The following DOCK8 variants were observed in gnomAD, a reference collection of about 807,000 sequenced individuals.
The protein encoded by DOCK8 is dedicator of cytokinesis protein 8.
In DOCK8, 141 loss-of-function variants were observed where a neutral mutation model predicts 245.6. That is an observed-to-expected ratio of 0.57 (90% CI 0.50 to 0.66). DOCK8 has a LOEUF of 0.66. Among genes scored for constraint, DOCK8 ranks in the 30% least tolerant of loss-of-function variants. DOCK8 has a pLI of 0.00. For missense variants in DOCK8, 2,965 were observed against 2,603.4 expected (o/e 1.14, Z -3.02); for synonymous variants, 1,168 against 970.2 (o/e 1.20, Z -3.79).
intron 1 of DOCK8, among the ~76,000 whole-genome samples, chr9:220,425 C>A (rs140391022): frequency 7.9e-5 from 12 of 152,128 alleles, no homozygotes; most frequent in Non-Finnish European, 1.6e-4. Context: ...CATGTAGTTG[C>A]CCAGGGAAAG....
intron 28 of DOCK8, among the ~76,000 whole-genome samples, chr9:408,246 A>T (rs2055532301): frequency 6.6e-6 from 1 of 152,238 alleles, no homozygotes; most frequent in South Asian, 2.1e-4. Flanking sequence ...ATACAGGAGC[A>T]CATCGAGTTC....
At chr9:343,871 T>G (rs550667353) in intron 14 of DOCK8, among the ~76,000 whole-genome samples, 1 of 152,350 alleles carries the variant, frequency 6.6e-6, no homozygotes, top group South Asian at 2.1e-4. Flanking sequence ...CAACTTCCCC[T>G]CAGCATTTAA....
intron 1 of DOCK8, among the ~76,000 whole-genome samples, chr9:268,784 T>C (rs1051310629): frequency 2.6e-5 from 4 of 152,200 alleles, no homozygotes; most frequent in Admixed American, 6.5e-5. Context: ...ATGATCCTCT[T>C]TCAAGTAAGC....
At chr9:357,406 T>G (rs1426270600) in intron 14 of DOCK8, among the ~76,000 whole-genome samples, 1 of 152,222 alleles carries the variant, frequency 6.6e-6, no homozygotes, top group Non-Finnish European at 1.5e-5. Context: ...AAGAAATCTT[T>G]AAAAGTGGTA....
intron 1 of DOCK8, among the ~76,000 whole-genome samples, chr9:217,411 G>C (rs1248221121): frequency 6.6e-6 from 1 of 152,184 alleles, no homozygotes; most frequent in Non-Finnish European, 1.5e-5. Context: ...TTCTCCGCCT[G>C]TGCCTTCCAT....
At chr9:412,117 T>C (rs1331770300) in intron 28 of DOCK8, among the ~76,000 whole-genome samples, 1 of 151,942 alleles carries the variant, frequency 6.6e-6, no homozygotes, top group African/African-American at 2.4e-5. Context: ...ACAAAAGACA[T>C]CTAGGCCAGG....
rs779679608 is a variant in DOCK8 at position 390,454 on chromosome 9, T to C, written c.2875-17T>C. ...TAGCCTTTGTTTCACAGCCTAATTT[T>C]TGTGGTTCTTATTTAGCATTTCCAT... On this transcript the variant is annotated splice_polypyrimidine_tract_variant and intron_variant, in intron 23 of 47. Coordinates refer to ENST00000432829, the MANE Select transcript of DOCK8 (RefSeq NM_203447.4). 18 of 1,610,958 alleles carry C rather than the reference T, an allele frequency of 1.1e-5. No homozygotes were observed. Among genetic ancestry groups the C allele is most frequent in the Admixed American group, 1.7e-5 (1 of 60,004 alleles).
chr9:421,176 T>C (rs576727726), intron 32 of DOCK8, 98 bp downstream of exon 32: 1 of 1,522,096 alleles, frequency 6.6e-7, no homozygotes, highest in African/African-American at 1.4e-5. Context: ...CATTACTTTC[T>C]TGAGATATTT....
At chr9:220,755 C>A in intron 1 of DOCK8, 1 of 386,040 alleles carries the variant, frequency 2.6e-6, no homozygotes, top group South Asian at 1.9e-5. Flanking sequence ...CAGTCATGCT[C>A]TGTCGCCCAG....
At chr9:227,014 A>G (rs753955353) in intron 1 of DOCK8, among the ~76,000 whole-genome samples, 1 of 152,216 alleles carries the variant, frequency 6.6e-6, no homozygotes, top group Non-Finnish European at 1.5e-5. Flanking sequence ...AATACATATA[A>G]CAAGGAGAGA....
chr9:464,213 C>A lies in DOCK8; in HGVS notation c.6294C>A (p.Gly2098=). The A allele has an allele frequency of 1.2e-6, 2 of 1,613,698 alleles. No individual in the cohort carries two copies. The highest frequency in any genetic ancestry group is 8.5e-7 in the Non-Finnish European group (1 of 1,179,582). ...AATGTGAAACCCAGTTGTCACAGGGCAGCTAAGAAAAGCCATCTTCATTCG... is the reference window on the plus strand; with the variant it reads ...AATGTGAAACCCAGTTGTCACAGGGAAGCTAAGAAAAGCCATCTTCATTCG... ...FRKCETQLSQ[G]S Residue 2098 remains glycine, a synonymous_variant, in exon 48 of 48, where the codon GGC becomes GGA. Coordinates refer to ENST00000432829, the MANE Select transcript of DOCK8 (RefSeq NM_203447.4).
At chr9:328,559 C>G (rs2050863343) in intron 9 of DOCK8, among the ~76,000 whole-genome samples, 1 of 152,180 alleles carries the variant, frequency 6.6e-6, no homozygotes, top group Non-Finnish European at 1.5e-5. Flanking sequence ...GGAGAGTTCC[C>G]TCAGTGACCT....
At position 399,269 on chromosome 9, in the gene DOCK8, C is replaced by CCCCCCA. The variant is rs755800285; in HGVS notation, c.3234+22_3234+27dup. 4 of 1,336,930 alleles carry CCCCCCA rather than the reference C, an allele frequency of 3.0e-6. No homozygotes were observed. The highest frequency in any genetic ancestry group is 1.6e-5 in the African/African-American group (1 of 61,306). The allele number at this position is 1,336,930 out of a possible 1,614,324, so 82.8% of individuals were successfully genotyped here. On this transcript the variant is annotated intron_variant, in intron 26 of 47. Transcript: ENST00000432829. ...ACATTATTGCAGCCAGGTGAGTGTC[C>CCCCCCA]CCCCCACCCCCACCCCCGAGCGAGC...
At chr9:392,216 A>T (rs1320707224) in intron 24 of DOCK8, among the ~76,000 whole-genome samples, 3 of 152,130 alleles carry the variant, frequency 2.0e-5, no homozygotes, top group African/African-American at 7.2e-5. Context: ...ATGTAAGTTG[A>T]AGCCCAAGAA....
At chr9:388,821 T>G (rs2054065837) in intron 23 of DOCK8, among the ~76,000 whole-genome samples, 1 of 152,172 alleles carries the variant, frequency 6.6e-6, no homozygotes, top group Non-Finnish European at 1.5e-5. Context: ...CCCAAAGTGC[T>G]AGGATTACAG....
intron 33 of DOCK8, among the ~76,000 whole-genome samples, chr9:422,644 A>C (rs912838260): frequency 1.3e-5 from 2 of 152,224 alleles, no homozygotes; most frequent in Non-Finnish European, 2.9e-5. Flanking sequence ...TCTTAATGAC[A>C]TGGGGAAATG....
chr9:344,541 CT>C (rs1176173150), intron 14 of DOCK8, among the ~76,000 whole-genome samples: 3 of 132,136 alleles, frequency 2.3e-5, no homozygotes, highest in Admixed American at 1.5e-4. Context: ...GGCAAGCTGA[CT>C]AAGTTCGCCT....
chr9:400,794 C>CCAT (rs1410937154), intron 26 of DOCK8, among the ~76,000 whole-genome samples: 1 of 130,486 alleles, frequency 7.7e-6, no homozygotes, highest in Admixed American at 7.6e-5. Flanking sequence ...TCCACCATCA[C>CCAT]CACCACCTCC....
intron 46 of DOCK8, chr9:452,815 A>G (rs1417225516): frequency 6.6e-6 from 1 of 152,220 alleles, no homozygotes; most frequent in African/African-American, 2.4e-5. Context: ...TCTGCAGTGG[A>G]GCTGGCTTCA....
Sources: gnomAD v4.1 joint callset for allele counts (sites outside exome capture counted in the v4.1 genomes callset) on GRCh38, gnomAD v4.1.1 for gene constraint, MANE v1.5 for transcripts, NCBI Gene and HGNC (gene_info 2026-07-23, HGNC 2026-07-21) for gene names.